The following ATP11B variants were observed in gnomAD, a reference collection of about 807,000 sequenced individuals.
ATP11B encodes phospholipid-transporting ATPase IF.
ATP11B carries 81 observed loss-of-function variants against 157.8 expected under a neutral mutation model. That is an observed-to-expected ratio of 0.51 (90% CI 0.43 to 0.62). The LOEUF (loss-of-function observed/expected upper bound fraction) is 0.62, where lower values mean the gene tolerates loss of function less well. ATP11B is among the 20% of genes least tolerant of loss of function. The probability of loss-of-function intolerance (pLI) is 0.00; values close to 1 mark genes in which losing one functional copy is unlikely to be tolerated. For synonymous variants in ATP11B, 451 were observed against 469.4 expected (o/e 0.96, Z 0.51); for missense variants, 1,165 against 1,402.2 (o/e 0.83, Z 2.70).
chr3:182,881,718 A>C (rs1289149882), intron 21 of ATP11B, among the ~76,000 whole-genome samples: 1 of 152,208 alleles, frequency 6.6e-6, no homozygotes, highest in East Asian at 1.9e-4. Context: ...CTTTTAAAGT[A>C]CTTTCACATG....
chr3:182,883,291 C>G (rs1722554675), intron 21 of ATP11B, among the ~76,000 whole-genome samples: 1 of 150,898 alleles, frequency 6.6e-6, no homozygotes, highest in South Asian at 2.1e-4. Flanking sequence ...GAGCTTCACT[C>G]TTGTTTGCCA....
intron 28 of ATP11B, among the ~76,000 whole-genome samples, chr3:182,912,257 C>T (rs1724846027): frequency 6.6e-6 from 1 of 152,052 alleles, no homozygotes; most frequent in Non-Finnish European, 1.5e-5. Flanking sequence ...CCTGGTGTTG[C>T]TTAATATTTG....
At chr3:182,851,389 A>T (rs1719968081) in intron 10 of ATP11B, among the ~76,000 whole-genome samples, 1 of 152,196 alleles carries the variant, frequency 6.6e-6, no homozygotes, top group African/African-American at 2.4e-5. Context: ...CCTTCAGCTC[A>T]CATCTTCAAT....
At chr3:182,822,493 A>G (rs984499089) in intron 2 of ATP11B, among the ~76,000 whole-genome samples, 1 of 152,342 alleles carries the variant, frequency 6.6e-6, no homozygotes, top group East Asian at 1.9e-4. Flanking sequence ...TATATGTGCC[A>G]CATTTTCTTA....
At chr3:182,845,044 A>G (rs491817) in intron 8 of ATP11B, among the ~76,000 whole-genome samples, 104,452 of 146,006 alleles carry the variant, frequency 0.72, 37,774 homozygotes, top group Non-Finnish European at 0.78. Flanking sequence ...CACTCTTGTC[A>G]CCCAGGCTGG....
chr3:182,870,851 A>G (rs1348193708), intron 17 of ATP11B, among the ~76,000 whole-genome samples: 3 of 151,120 alleles, frequency 2.0e-5, no homozygotes, highest in African/African-American at 7.3e-5. Context: ...TCACTTGAAC[A>G]TAGGAGGCGG....
chr3:182,867,874 A>G (rs1222729555), intron 15 of ATP11B, among the ~76,000 whole-genome samples: 1 of 152,120 alleles, frequency 6.6e-6, no homozygotes, highest in Non-Finnish European at 1.5e-5. Context: ...CCTGGCCCAC[A>G]TTACATTTTT....
intron 28 of ATP11B, among the ~76,000 whole-genome samples, chr3:182,901,137 C>T (rs1723930227): frequency 6.6e-6 from 1 of 151,948 alleles, no homozygotes; most frequent in Admixed American, 6.6e-5. Context: ...GGCGCCACTG[C>T]ACTCCAGCCT....
In ATP11B at chr3:182,857,827, A is replaced by G. The variant is rs372197501; in HGVS notation, c.852-51A>G. The G allele has an allele frequency of 1.4e-5, 16 of 1,176,324 alleles. No homozygotes were observed. In the African/African-American group the frequency reaches 2.3e-4, roughly 17 times the overall value. 72.9% of individuals were successfully genotyped at this position (1,176,324 alleles called of 1,614,324 possible). A position where few individuals can be genotyped will look rare whatever the true frequency, so the allele number is the denominator to read the frequency against. On this transcript the variant is annotated intron_variant, in intron 10 of 29. Coordinates refer to ENST00000323116, the MANE Select transcript of ATP11B (RefSeq NM_014616.3). ...CAAGTACTAATTTTCAAGCAAATGAATATAGTAATACATGAGTTGTATGTT... is the reference window on the plus strand; with the variant it reads ...CAAGTACTAATTTTCAAGCAAATGAGTATAGTAATACATGAGTTGTATGTT...
intron 11 of ATP11B, among the ~76,000 whole-genome samples, chr3:182,858,588 G>A (rs908654177): frequency 3.9e-5 from 6 of 152,044 alleles, no homozygotes; most frequent in Admixed American, 6.5e-5. Context: ...AAACTACAAA[G>A]CAAATAATCA....
Position 182,836,335 on chromosome 3 carries a change from T to C in ATP11B, c.424-7T>C. On this transcript the variant is annotated splice_polypyrimidine_tract_variant and splice_region_variant and intron_variant, in intron 5 of 29. Transcript: ENST00000323116. ...ATAAATTCACTCTTCCCCAAAATTC[T>C]TTATAGGTGGGTGATATTGTTCGAA... 6.2e-7 allele frequency: 1 copy of C among 1,613,042 alleles called. No homozygotes were observed. Among genetic ancestry groups the C allele is most frequent in the Non-Finnish European group, 8.5e-7 (1 of 1,179,580 alleles).
At chr3:182,801,843 T>C (rs1488942436) in intron 1 of ATP11B, among the ~76,000 whole-genome samples, 10 of 152,228 alleles carry the variant, frequency 6.6e-5, no homozygotes, top group African/African-American at 2.4e-4. Flanking sequence ...AATTCAGTTA[T>C]ATTAATAATA....
chr3:182,865,817 C>A (rs1577045898), intron 13 of ATP11B, 119 bp downstream of exon 13: 4 of 749,336 alleles, frequency 5.3e-6, no homozygotes, highest in East Asian at 2.8e-5. Context: ...ATTTGAAATT[C>A]ATATATTTGA....
chr3:182,914,416 C>T, intron 29 of ATP11B: 1 of 985,644 alleles, frequency 1.0e-6, no homozygotes, highest in Non-Finnish European at 1.2e-6. Flanking sequence ...CAAAGGCTTT[C>T]CTTTTCTTAC....
intron 10 of ATP11B, among the ~76,000 whole-genome samples, chr3:182,852,567 G>A (rs548564254): frequency 4.2e-4 from 64 of 152,308 alleles, no homozygotes; most frequent in African/African-American, 1.4e-3. Context: ...CCTTAAGTCT[G>A]TCAAATAGCT....
At chr3:182,845,372 A>G (rs1236835639) in intron 8 of ATP11B, 86 bp from the exon 9 acceptor site, 1 of 1,163,100 alleles carries the variant, frequency 8.6e-7, no homozygotes, top group African/African-American at 1.6e-5. Context: ...GCTATAGCTT[A>G]AGTACCTTCT....
At chr3:182,875,218 T>C (rs1307762402) in intron 19 of ATP11B, among the ~76,000 whole-genome samples, 1 of 152,174 alleles carries the variant, frequency 6.6e-6, no homozygotes, top group Non-Finnish European at 1.5e-5. Flanking sequence ...TTAGGTCTCC[T>C]GCAGGTTTCT....
At chr3:182,820,962 C>T (rs1473436493) in intron 2 of ATP11B, among the ~76,000 whole-genome samples, 1 of 152,124 alleles carries the variant, frequency 6.6e-6, no homozygotes, top group African/African-American at 2.4e-5. Context: ...TACAACAACC[C>T]TATGAGATAG....
intron 10 of ATP11B, among the ~76,000 whole-genome samples, chr3:182,854,873 T>C (rs1281802369): frequency 6.6e-6 from 1 of 152,024 alleles, no homozygotes; most frequent in East Asian, 1.9e-4. Flanking sequence ...TAACCACCTT[T>C]TGTCATCTTT....
Sources: allele counts gnomAD v4.1 joint callset (sites outside exome capture counted in the v4.1 genomes callset), GRCh38; gene constraint gnomAD v4.1.1; transcripts MANE v1.5; gene names NCBI Gene and HGNC (gene_info 2026-07-23, HGNC 2026-07-21).